Variants in THOC1 observed in about 807,000 individuals in gnomAD.
The protein encoded by THOC1 is THO complex 1.
In THOC1, 29 loss-of-function variants were observed where a neutral mutation model predicts 97.3. The ratio of observed to expected loss-of-function variants is 0.30; its 90% CI spans 0.22 to 0.41. THOC1 has a LOEUF of 0.41. THOC1 is among the 10% of genes least tolerant of loss of function. THOC1 has a pLI of 1.00. For missense variants in THOC1, 529 were observed against 761.9 expected, an observed-to-expected ratio of 0.69 and a Z score of 3.60; for synonymous variants, 255 against 257.0, an observed-to-expected ratio of 0.99 and a Z score of 0.07.
chr18:266,493 G>C (rs1598309819), intron 1 of THOC1, among the ~76,000 whole-genome samples: 1 of 151,324 alleles, frequency 6.6e-6, no homozygotes. Context: ...GAGAAACACT[G>C]AACTAGATGA....
Position 223,356 on chromosome 18 carries a change from A to G in THOC1, c.1370+84T>C. 3 of 1,078,780 alleles carry G rather than the reference A, an allele frequency of 2.8e-6. 1 individual carries two copies. The highest frequency in any genetic ancestry group is 1.3e-6 in the Non-Finnish European group (1 of 766,824). 66.8% of individuals were successfully genotyped at this position (1,078,780 alleles called of 1,614,324 possible). On this transcript the variant is annotated intron_variant, in intron 17 of 20. Transcript: ENST00000261600. Reference sequence around the variant, plus strand: ...ACAATAAACTTTTAAATTTCATTTGAGCTCTGATCATAGCTGAGAAAAGGC... The same window carrying G: ...ACAATAAACTTTTAAATTTCATTTGGGCTCTGATCATAGCTGAGAAAAGGC...
chr18:221,830 T>A (rs377290162), intron 17 of THOC1, among the ~76,000 whole-genome samples: 1 of 151,994 alleles, frequency 6.6e-6, no homozygotes. Flanking sequence ...CGATGGTCTC[T>A]ATCTCCTGAC....
At chr18:218,503 G>C (rs1028199008) in intron 18 of THOC1, among the ~76,000 whole-genome samples, 1 of 152,126 alleles carries the variant, frequency 6.6e-6, no homozygotes, top group Non-Finnish European at 1.5e-5. Flanking sequence ...AGGGCAAACA[G>C]AAGAACCATG....
chr18:231,892 A>G (rs753900477), intron 11 of THOC1, among the ~76,000 whole-genome samples: 9 of 152,334 alleles, frequency 5.9e-5, no homozygotes, highest in Non-Finnish European at 1.2e-4. Context: ...TTCATACAAC[A>G]CTATGTTTGA....
intron 9 of THOC1, among the ~76,000 whole-genome samples, chr18:249,079 T>C (rs1912191042): frequency 1.3e-5 from 2 of 152,138 alleles, no homozygotes; most frequent in Admixed American, 1.3e-4. Context: ...ACAGCTAATA[T>C]CTGATAAACG....
chr18:219,670 C>T (rs1911010690), intron 17 of THOC1, among the ~76,000 whole-genome samples: 3 of 152,038 alleles, frequency 2.0e-5, no homozygotes, highest in Admixed American at 2.0e-4. Flanking sequence ...GTATTTACTA[C>T]ATATAATATT....
chr18:228,085 C>G (rs894148404), intron 11 of THOC1, among the ~76,000 whole-genome samples: 1 of 152,210 alleles, frequency 6.6e-6, no homozygotes, highest in Admixed American at 6.5e-5. Flanking sequence ...TTCCCTTCCT[C>G]CAGCCCCTGG....
chr18:267,818 C>A, intron 1 of THOC1, 148 bp downstream of exon 1: 1 of 813,632 alleles, frequency 1.2e-6, no homozygotes, highest in Middle Eastern at 2.4e-4. Context: ...TTTCCCTACC[C>A]CTCAACCTCC....
chr18:216,680 G>A (rs1313189473), intron 18 of THOC1, 47 bp from the exon 19 acceptor site: 1 of 1,586,370 alleles, frequency 6.3e-7, no homozygotes. Flanking sequence ...TTGTATTTCT[G>A]TATTCCCTTC....
At chr18:229,495 C>G (rs1256476264) in intron 11 of THOC1, among the ~76,000 whole-genome samples, 3 of 148,844 alleles carry the variant, frequency 2.0e-5, no homozygotes, top group African/African-American at 7.5e-5. Flanking sequence ...GCCTGGCCAA[C>G]ATGGTGAAAC....
intron 18 of THOC1, 130 bp downstream of exon 18, chr18:218,755 TA>T: frequency 2.9e-6 from 2 of 690,652 alleles, no homozygotes; most frequent in Non-Finnish European, 2.4e-6. Flanking sequence ...ACTTGGAACA[TA>T]AACTCACCTA....
chr18:246,248 T>G (rs1303613837), intron 11 of THOC1, 76 bp downstream of exon 11: 17 of 1,145,746 alleles, frequency 1.5e-5, no homozygotes, highest in Non-Finnish European at 2.0e-5. Context: ...CAGTTTAACT[T>G]AGAAAGGCTG....
intron 5 of THOC1, 139 bp from the exon 6 acceptor site, chr18:259,869 A>G (rs976276392): frequency 2.4e-5 from 14 of 575,398 alleles, no homozygotes; most frequent in Admixed American, 4.0e-5. Context: ...TTTTAAGCAA[A>G]TAACATTTTC....
chr18:253,486 G>A (rs1028397911), intron 8 of THOC1, among the ~76,000 whole-genome samples: 2 of 152,156 alleles, frequency 1.3e-5, no homozygotes, highest in Non-Finnish European at 2.9e-5. Context: ...GTGAATTTCA[G>A]AATAGTATGA....
At position 214,535 on chromosome 18, in the gene THOC1, T is replaced by A. The variant is rs888353500; in HGVS notation, c.*91A>T. Reference sequence around the variant, plus strand: ...TGTACAACAATTGTTATAAAAATGTTTATTGTTTACCAAAACCAGTGGACC... The same window carrying A: ...TGTACAACAATTGTTATAAAAATGTATATTGTTTACCAAAACCAGTGGACC... On this transcript the variant is annotated 3_prime_UTR_variant, in exon 21 of 21. Coordinates refer to ENST00000261600, the MANE Select transcript of THOC1 (RefSeq NM_005131.3). 8 of 1,037,264 alleles carry A rather than the reference T, an allele frequency of 7.7e-6. No homozygotes were observed. The highest frequency in any genetic ancestry group is 1.1e-5 in the Non-Finnish European group (8 of 715,372). 64.3% of individuals were successfully genotyped at this position (1,037,264 alleles called of 1,614,324 possible). A position where few individuals can be genotyped will look rare whatever the true frequency, so the allele number is the denominator to read the frequency against.
At chr18:227,030 C>G in intron 11 of THOC1, 129 bp from the exon 12 acceptor site, 1 of 725,330 alleles carries the variant, frequency 1.4e-6, no homozygotes, top group South Asian at 1.8e-5. Flanking sequence ...GTTGAGAGTT[C>G]ACTGCATGTG....
At position 267,995 on chromosome 18, in the gene THOC1, T is replaced by G. The variant is rs779066227; in HGVS notation, c.25A>C (p.Ser9Arg). The G allele has an allele frequency of 3.7e-6, 6 of 1,611,010 alleles. No individual in the cohort carries two copies. The African/African-American group carries it at 6.7e-5, about 18-fold the overall frequency. MSPTPPLF[S>R]LPEARTRFTK... Reference sequence around the variant, plus strand: ...AACCGCGTCCGCGCTTCGGGCAAACTGAAGAGCGGCGGCGTCGGAGACATC... The same window carrying G: ...AACCGCGTCCGCGCTTCGGGCAAACGGAAGAGCGGCGGCGTCGGAGACATC... Residue 9 changes from serine (S) to arginine (R), a missense_variant, in exon 1 of 21, where the codon AGT (serine) becomes CGT (arginine). By Grantham distance (110) the Ser-to-Arg change is moderately radical. This residue lies in a region of THOC1 where 114 missense variants were observed against 97.4 expected (regional missense o/e 1.17). Transcript: ENST00000261600.
intron 8 of THOC1, among the ~76,000 whole-genome samples, chr18:253,376 A>C (rs570006241): frequency 6.6e-6 from 1 of 152,240 alleles, no homozygotes; most frequent in Admixed American, 6.5e-5. Flanking sequence ...TATCAGAGAT[A>C]ATCTGAATGT....
intron 6 of THOC1, 52 bp from the exon 7 acceptor site, chr18:259,327 T>C (rs1229551832): frequency 2.7e-5 from 38 of 1,426,006 alleles, no homozygotes; most frequent in Non-Finnish European, 3.6e-5. Flanking sequence ...TCTATGTTTA[T>C]TACAACCACA....
Sources: allele counts gnomAD v4.1 joint callset (sites outside exome capture counted in the v4.1 genomes callset), GRCh38; gene constraint gnomAD v4.1.1; regional missense constraint gnomAD v4.1.1; transcripts MANE v1.5; gene names NCBI Gene and HGNC (gene_info 2026-07-23, HGNC 2026-07-21).